The following SV2C variants were observed in gnomAD, a reference collection of about 807,000 sequenced individuals.
SV2C encodes solute carrier family 22 member B3.
Under a neutral mutation model 79.7 loss-of-function variants are expected in SV2C, and 49 were observed. That is an observed-to-expected ratio of 0.61 (90% CI 0.49 to 0.78). The LOEUF is 0.78. SV2C is among the 30% of genes least tolerant of loss of function. The pLI is 0.00. For missense variants in SV2C, 833 were observed against 912.9 expected (o/e 0.91, Z 1.13); for synonymous variants, 334 against 333.2 (o/e 1.00, Z -0.03).
the SV2C span, chr5:75,921,480 G>T: frequency 1.3e-6 from 1 of 797,884 alleles, no homozygotes; most frequent in Non-Finnish European, 2.3e-6. Context: ...GTCGGTCTCT[G>T]GGTTGAACTT....
chr5:75,866,322 T>C, the SV2C span, among the ~76,000 whole-genome samples: 2 of 152,354 alleles, frequency 1.3e-5, no homozygotes, highest in East Asian at 1.9e-4. Flanking sequence ...TGCAATCTGA[T>C]ACTGATGTTA....
In SV2C at chr5:76,251,247, A is replaced by G. The variant is rs913722875; in HGVS notation, c.914-33915A>G. On this transcript the variant is annotated intron_variant, in intron 4 of 12. Coordinates refer to ENST00000502798, the MANE Select transcript of SV2C (RefSeq NM_014979.4). Reference sequence around the variant, plus strand: ...AATAGAGTCACCTGCAGGGCTCATCAAAGCACAGGTTGTGTCCAGGCATGG... The same window carrying G: ...AATAGAGTCACCTGCAGGGCTCATCGAAGCACAGGTTGTGTCCAGGCATGG... Among the ~76,000 whole-genome samples, 7 of 152,090 alleles carry G rather than the reference A, an allele frequency of 4.6e-5. No individual in the cohort carries two copies. The East Asian group carries it at 1.3e-3, about 29-fold the overall frequency.
the SV2C span, among the ~76,000 whole-genome samples, chr5:75,928,216 C>T: frequency 6.6e-6 from 1 of 152,170 alleles, no homozygotes; most frequent in Non-Finnish European, 1.5e-5. Context: ...TCACTCCAAA[C>T]AGAAACTTTG....
At chr5:75,872,085 T>A in the SV2C span, among the ~76,000 whole-genome samples, 1 of 143,158 alleles carries the variant, frequency 7.0e-6, no homozygotes, top group African/African-American at 2.7e-5. Context: ...ATATATATGA[T>A]AATATATATG....
At chr5:76,221,138 C>T (rs1745053332) in intron 4 of SV2C, among the ~76,000 whole-genome samples, 2 of 152,156 alleles carry the variant, frequency 1.3e-5, no homozygotes, top group African/African-American at 2.4e-5. Context: ...CCCTTCCATC[C>T]ATTTTTGGAT....
chr5:76,060,088 T>A, the SV2C span, among the ~76,000 whole-genome samples: 1 of 152,182 alleles, frequency 6.6e-6, no homozygotes, highest in African/African-American at 2.4e-5. Context: ...TGTAAACAGA[T>A]GTGCTGTCGC....
At chr5:76,351,460 A>T (rs246798) in intron 12 of SV2C, among the ~76,000 whole-genome samples, 49,760 of 151,634 alleles carry the variant, frequency 0.33, 8,464 homozygotes, top group African/African-American at 0.35. Context: ...AAAAAAAAAA[A>T]ATAGTCTCAA....
chr5:76,332,190 A>G lies in SV2C; in HGVS notation c.*6643A>G, dbSNP rs940018272. ...TGCATTCATGCTCCCCTTAGATCCA[A>G]GAGTGCCCAGGACTAGGAGCAGAAA... is the stretch of plus-strand genomic sequence containing the variant. On this transcript the variant is annotated 3_prime_UTR_variant, in exon 13 of 13. Coordinates refer to ENST00000502798, the MANE Select transcript of SV2C (RefSeq NM_014979.4). 1.3e-5 allele frequency: 2 copies of G among 152,192 alleles called. No homozygotes were observed. The highest frequency in any genetic ancestry group is 2.9e-5 in the Non-Finnish European group (2 of 68,028). The allele number at this position is 152,192 out of a possible 1,614,324, so 9.4% of individuals were successfully genotyped here.
chr5:76,073,536 T>C, the SV2C span, among the ~76,000 whole-genome samples: 21 of 128,206 alleles, frequency 1.6e-4, no homozygotes, highest in Admixed American at 1.6e-3. Flanking sequence ...TATATATATA[T>C]ATATATATAC....
At chr5:76,067,123 G>A in the SV2C span, among the ~76,000 whole-genome samples, 2 of 152,254 alleles carry the variant, frequency 1.3e-5, no homozygotes, top group Admixed American at 1.3e-4. Flanking sequence ...TTGTCAAAAA[G>A]ATATTGTCAC....
intron 4 of SV2C, among the ~76,000 whole-genome samples, chr5:76,223,474 T>TATATATAC (rs1187099531): frequency 1.4e-5 from 1 of 69,442 alleles, no homozygotes; most frequent in Non-Finnish European, 2.4e-5. Context: ...TATATATATA[T>TATATATAC]ATATATATAT....
the SV2C span, among the ~76,000 whole-genome samples, chr5:75,913,393 A>T: frequency 6.6e-6 from 1 of 152,208 alleles, no homozygotes; most frequent in African/African-American, 2.4e-5. Context: ...TGCTATAAAT[A>T]AGAGCAAGTT....
chr5:76,201,301 C>T (rs1327065719), intron 3 of SV2C, among the ~76,000 whole-genome samples: 1 of 151,954 alleles, frequency 6.6e-6, no homozygotes, highest in African/African-American at 2.4e-5. Flanking sequence ...TTCATTTGAC[C>T]CAGAATTAAA....
the SV2C span, among the ~76,000 whole-genome samples, chr5:76,026,288 A>G: frequency 6.6e-6 from 1 of 152,108 alleles, no homozygotes; most frequent in African/African-American, 2.4e-5. Context: ...AGACTGAGCT[A>G]GGCACAGTGA....
chr5:76,183,030 A>ATTTT (rs759427459), intron 2 of SV2C, among the ~76,000 whole-genome samples: 4 of 102,072 alleles, frequency 3.9e-5, no homozygotes, highest in Non-Finnish European at 7.2e-5. Flanking sequence ...AGAACCTACC[A>ATTTT]TTTTTTTTTT....
the SV2C span, among the ~76,000 whole-genome samples, chr5:76,010,117 C>T: frequency 2.0e-5 from 3 of 150,654 alleles, no homozygotes; most frequent in Admixed American, 2.0e-4. Context: ...ACCTGTTACA[C>T]AGGAGGAGTT....
chr5:76,074,607 C>A, the SV2C span, among the ~76,000 whole-genome samples: 2 of 152,120 alleles, frequency 1.3e-5, no homozygotes, highest in African/African-American at 4.8e-5. Flanking sequence ...AAAAAAGTAT[C>A]TCTTGTGGGC....
At chr5:76,166,364 G>A (rs899541684) in intron 2 of SV2C, among the ~76,000 whole-genome samples, 1 of 152,118 alleles carries the variant, frequency 6.6e-6, no homozygotes. Flanking sequence ...TTATAATTAG[G>A]ACCATCAAAC....
chr5:76,060,400 T>C, the SV2C span, among the ~76,000 whole-genome samples: 1 of 152,174 alleles, frequency 6.6e-6, no homozygotes, highest in African/African-American at 2.4e-5. Flanking sequence ...ATCTTCTGGA[T>C]AACTTGCTGC....
Sources: allele counts gnomAD v4.1 joint callset (sites outside exome capture counted in the v4.1 genomes callset), GRCh38; gene constraint gnomAD v4.1.1; transcripts MANE v1.5; gene names NCBI Gene and HGNC (gene_info 2026-07-23, HGNC 2026-07-21).